HNRNPF: variants seen among roughly 807,000 people sequenced by gnomAD.
The protein encoded by HNRNPF is heterogeneous nuclear ribonucleoprotein F.
Under a neutral mutation model 26.0 loss-of-function variants are expected in HNRNPF, and 2 were observed. That is an observed-to-expected ratio of 0.08 (90% CI 0.03 to 0.24). The LOEUF (loss-of-function observed/expected upper bound fraction) is 0.24. Ranked by LOEUF, HNRNPF falls within the 10% of genes least tolerant of loss-of-function variation. HNRNPF has a pLI of 1.00. For synonymous variants in HNRNPF, 234 were observed against 211.5 expected, an observed-to-expected ratio of 1.11 and a Z score of -0.92; for missense variants, 299 against 539.2, an observed-to-expected ratio of 0.55 and a Z score of 4.41.
intron 1 of HNRNPF, among the ~76,000 whole-genome samples, chr10:43,398,149 T>C (rs1053962596): frequency 6.6e-6 from 1 of 151,942 alleles, no homozygotes; most frequent in African/African-American, 2.4e-5. Flanking sequence ...TGCCTCAGCC[T>C]CCCGAGTAGC....
chr10:43,407,825 GGGA>G (rs1484977717), intron 1 of HNRNPF: 2 of 151,950 alleles, frequency 1.3e-5, no homozygotes, highest in Admixed American at 1.3e-4. Context: ...AACCGGGCGT[GGGA>G]GGAGGGCGGA....
chr10:43,391,275 A>C (rs1328553775), intron 3 of HNRNPF, among the ~76,000 whole-genome samples: 1 of 145,408 alleles, frequency 6.9e-6, no homozygotes, highest in South Asian at 2.2e-4. Context: ...CCTGGGCGAC[A>C]GTGCAAGACT....
chr10:43,407,546 G>T (rs901303065), intron 1 of HNRNPF, among the ~76,000 whole-genome samples: 1 of 152,148 alleles, frequency 6.6e-6, no homozygotes, highest in Admixed American at 6.5e-5. Flanking sequence ...TGCGGTTGGG[G>T]GAGCCGGGCA....
intron 1 of HNRNPF, among the ~76,000 whole-genome samples, chr10:43,406,986 A>T (rs1838939861): frequency 6.6e-6 from 1 of 152,224 alleles, no homozygotes; most frequent in Non-Finnish European, 1.5e-5. Flanking sequence ...ATAGCACTTA[A>T]GGTATCTTTC....
chr10:43,399,764 C>T lies in HNRNPF; in HGVS notation c.-246-3174G>A, dbSNP rs576521479. Among the ~76,000 whole-genome samples the T allele has an allele frequency of 3.9e-5, 6 of 152,238 alleles. No individual in the cohort carries two copies. The East Asian group carries it at 9.6e-4, about 24-fold the overall frequency. On this transcript the variant is annotated intron_variant, in intron 1 of 3. Coordinates refer to ENST00000682386, the MANE Select transcript of HNRNPF (RefSeq NM_001098204.2). ...CTGAGTCTGGAGACTGACTGACTCA[C>T]CAAGAAATACTACGCACCTAAAAGA...
intron 2 of HNRNPF, among the ~76,000 whole-genome samples, chr10:43,395,228 A>C (rs1196548884): frequency 6.6e-6 from 1 of 152,218 alleles, no homozygotes; most frequent in Non-Finnish European, 1.5e-5. Context: ...TAGCATGGGC[A>C]AGGAGCAAGG....
chr10:43,403,581 G>T (rs763334405), intron 1 of HNRNPF, among the ~76,000 whole-genome samples: 1 of 152,192 alleles, frequency 6.6e-6, no homozygotes, highest in African/African-American at 2.4e-5. Flanking sequence ...TTTCAGGAAT[G>T]CAAGTGTAGT....
chr10:43,388,349 T>G (rs1477361769), intron 3 of HNRNPF, among the ~76,000 whole-genome samples: 1 of 152,232 alleles, frequency 6.6e-6, no homozygotes, highest in Non-Finnish European at 1.5e-5. Context: ...GGTAGGATAC[T>G]TTTACTTTCA....
chr10:43,403,905 T>C (rs1012055022), intron 1 of HNRNPF, among the ~76,000 whole-genome samples: 16 of 151,834 alleles, frequency 1.1e-4, no homozygotes, highest in African/African-American at 3.1e-4. Flanking sequence ...TGAGGCAGGA[T>C]TGCCTGAGCC....
intron 1 of HNRNPF, among the ~76,000 whole-genome samples, chr10:43,405,948 G>A (rs960018451): frequency 6.6e-6 from 1 of 151,966 alleles, no homozygotes; most frequent in African/African-American, 2.4e-5. Flanking sequence ...GGGGTGTCCC[G>A]GTCCAACTTG....
chr10:43,394,458 A>G (rs531384232), intron 3 of HNRNPF, among the ~76,000 whole-genome samples, 172 bp downstream of exon 3: 81 of 152,298 alleles, frequency 5.3e-4, no homozygotes, highest in African/African-American at 1.9e-3. Context: ...CATTTCTCAG[A>G]AGTCCTAAGG....
chr10:43,389,072 G>C (rs1254604606), intron 3 of HNRNPF, among the ~76,000 whole-genome samples: 1 of 148,792 alleles, frequency 6.7e-6, no homozygotes, highest in African/African-American at 2.5e-5. Context: ...CTGGGTTCAC[G>C]AAATTCTCCT....
chr10:43,389,592 A>T (rs1003109147), intron 3 of HNRNPF, among the ~76,000 whole-genome samples: 9 of 152,224 alleles, frequency 5.9e-5, no homozygotes, highest in Non-Finnish European at 8.8e-5. Context: ...TAATTGTGTA[A>T]ATCTTTCAAA....
chr10:43,405,196 T>C (rs1051881701), intron 1 of HNRNPF, among the ~76,000 whole-genome samples: 1 of 152,230 alleles, frequency 6.6e-6, no homozygotes, highest in Non-Finnish European at 1.5e-5. Context: ...TTAGGTTAAA[T>C]TATTAATACA....
chr10:43,407,208 C>T (rs1255389657), intron 1 of HNRNPF, among the ~76,000 whole-genome samples: 15 of 151,282 alleles, frequency 9.9e-5, no homozygotes, highest in Non-Finnish European at 2.1e-4. Flanking sequence ...GCAGGGCCCG[C>T]CCCGCGCGGT....
chr10:43,401,766 G>C (rs1838761411), intron 1 of HNRNPF, among the ~76,000 whole-genome samples: 1 of 152,190 alleles, frequency 6.6e-6, no homozygotes. Context: ...GAGAAAGGAG[G>C]CCTGTGGGGT....
chr10:43,389,251 C>T (rs1364869602), intron 3 of HNRNPF, among the ~76,000 whole-genome samples: 1 of 152,104 alleles, frequency 6.6e-6, no homozygotes, highest in African/African-American at 2.4e-5. Flanking sequence ...GAATTACTGG[C>T]GTGAGCCACC....
At chr10:43,390,836 C>CT (rs1274197597) in intron 3 of HNRNPF, among the ~76,000 whole-genome samples, 2 of 152,128 alleles carry the variant, frequency 1.3e-5, no homozygotes, top group East Asian at 1.9e-4. Flanking sequence ...CCAGACAGTT[C>CT]TTTGTGTTGT....
intron 2 of HNRNPF, among the ~76,000 whole-genome samples, chr10:43,396,138 G>T (rs753492327): frequency 6.6e-6 from 1 of 151,688 alleles, no homozygotes; most frequent in Non-Finnish European, 1.5e-5. Flanking sequence ...CAGGTTGGAC[G>T]GGATTAACGC....
Sources: gnomAD v4.1 joint callset for allele counts (sites outside exome capture counted in the v4.1 genomes callset) on GRCh38, gnomAD v4.1.1 for gene constraint, MANE v1.5 for transcripts, NCBI Gene and HGNC (gene_info 2026-07-23, HGNC 2026-07-21) for gene names.